The following ZIM2 variants were observed in gnomAD, a reference collection of about 807,000 sequenced individuals.
The protein encoded by ZIM2 is zinc finger protein 656.
ZIM2 carries 14 observed loss-of-function variants against 38.6 expected under a neutral mutation model. That is an observed-to-expected ratio of 0.36 (90% confidence interval 0.24 to 0.57). ZIM2 has a LOEUF of 0.57. Ranked by LOEUF, ZIM2 falls within the 20% of genes least tolerant of loss-of-function variation. The pLI, the probability that ZIM2 is intolerant of heterozygous loss-of-function variation, is 0.81. For missense variants in ZIM2, 680 were observed against 695.1 expected (o/e 0.98, Z 0.24); for synonymous variants, 247 against 245.8 (o/e 1.00, Z -0.04).
intron 11 of ZIM2, among the ~76,000 whole-genome samples, 170 bp from the exon 12 acceptor site, chr19:56,779,642 T>C (rs1211071583): frequency 6.6e-6 from 1 of 152,166 alleles, no homozygotes; most frequent in African/African-American, 2.4e-5. Context: ...TATGGAGATA[T>C]CTTTGGTTGT....
In ZIM2 at chr19:56,814,204, A is replaced by T; in HGVS notation, c.490+3542T>A. 1 of 1,610,908 alleles carries T rather than the reference A, an allele frequency of 6.2e-7. No homozygotes were observed. The highest frequency in any genetic ancestry group is 8.5e-7 in the Non-Finnish European group (1 of 1,178,126). Reference sequence around the variant, plus strand: ...CTCTCCGTTTGGCTCAGCAGCCTCCACTTCTGGCTCAGCAGCCTCCACTTC... The same window carrying T: ...CTCTCCGTTTGGCTCAGCAGCCTCCTCTTCTGGCTCAGCAGCCTCCACTTC... On this transcript the variant is annotated intron_variant, in intron 9 of 12. Coordinates refer to ENST00000629319, the MANE Select transcript of ZIM2 (RefSeq NM_001387356.1). The surrounding 1 kb of genome is among the most constrained non-coding windows in gnomAD (Gnocchi z 5.8).
intron 9 of ZIM2, among the ~76,000 whole-genome samples, chr19:56,809,167 A>G (rs1465461228): frequency 6.6e-6 from 1 of 152,172 alleles, no homozygotes; most frequent in Non-Finnish European, 1.5e-5. Context: ...ATCCTTAAAA[A>G]GTCCCAATCC....
chr19:56,787,325 G>GA (rs1259668134), intron 10 of ZIM2, among the ~76,000 whole-genome samples: 4 of 152,078 alleles, frequency 2.6e-5, no homozygotes, highest in Non-Finnish European at 5.9e-5. Context: ...ACTCAGGCTG[G>GA]AGTGCAGCGA....
At chr19:56,786,712 G>GT (rs1173641395) in intron 10 of ZIM2, among the ~76,000 whole-genome samples, 2 of 152,136 alleles carry the variant, frequency 1.3e-5, no homozygotes, top group African/African-American at 4.8e-5. Flanking sequence ...AAGGGGCTGA[G>GT]TTTTTTTAAA....
chr19:56,834,082 C>T (rs1052331952), intron 2 of ZIM2, among the ~76,000 whole-genome samples: 1 of 152,174 alleles, frequency 6.6e-6, no homozygotes, highest in African/African-American at 2.4e-5. Flanking sequence ...AATAAAGCTA[C>T]TTTAAAGAGA....
At chr19:56,815,453 A>G (rs1370003561) in intron 9 of ZIM2, 2 of 1,614,086 alleles carry the variant, frequency 1.2e-6, no homozygotes, top group Non-Finnish European at 1.7e-6. Context: ...CTGCTTCCAG[A>G]GGGCTTCTCC....
At chr19:56,800,390 A>C (rs1045351344) in intron 9 of ZIM2, among the ~76,000 whole-genome samples, 8 of 152,290 alleles carry the variant, frequency 5.3e-5, no homozygotes, top group Non-Finnish European at 1.2e-4. Flanking sequence ...AAAATTACAG[A>C]ATGGTTTCAG....
At chr19:56,790,205 A>G in intron 9 of ZIM2, 2 of 355,600 alleles carry the variant, frequency 5.6e-6, no homozygotes, top group Non-Finnish European at 1.0e-5. Flanking sequence ...AGTTCCCTCC[A>G]TATCAGTCAT....
At chr19:56,799,795 CA>C (rs1341701734) in intron 9 of ZIM2, 2 of 152,078 alleles carry the variant, frequency 1.3e-5, no homozygotes, top group East Asian at 3.9e-4. Context: ...AGGTGTCAAT[CA>C]ATAGTAGAAT....
chr19:56,780,512 G>A (rs569678531), intron 11 of ZIM2, among the ~76,000 whole-genome samples: 1 of 152,082 alleles, frequency 6.6e-6, no homozygotes, highest in East Asian at 1.9e-4. Context: ...CCAAAGTGTT[G>A]GGATTACAGG....
chr19:56,823,868 G>A (rs1159459330), intron 4 of ZIM2, among the ~76,000 whole-genome samples, 189 bp from the exon 5 acceptor site: 1 of 152,128 alleles, frequency 6.6e-6, no homozygotes, highest in Non-Finnish European at 1.5e-5. Context: ...TGGGTGGGGG[G>A]AGCATGGTGG....
At chr19:56,835,984 G>T (rs779180158) in intron 2 of ZIM2, 34 bp downstream of exon 2, 1 of 504,944 alleles carries the variant, frequency 2.0e-6, no homozygotes, top group South Asian at 1.5e-5. Context: ...CTCCAAAGAT[G>T]AATGTGGCAC....
chr19:56,806,315 G>C (rs2047754791), intron 9 of ZIM2, among the ~76,000 whole-genome samples: 1 of 152,114 alleles, frequency 6.6e-6, no homozygotes, highest in South Asian at 2.1e-4. Flanking sequence ...TCAGACATAA[G>C]CTCTTATCTC....
intron 2 of ZIM2, among the ~76,000 whole-genome samples, chr19:56,835,569 T>A (rs2062009493): frequency 6.6e-6 from 1 of 152,242 alleles, no homozygotes; most frequent in African/African-American, 2.4e-5. Context: ...TGCTAGCAGA[T>A]GTTCTCTTGC....
At chr19:56,810,214 A>G in intron 9 of ZIM2, 6 of 982,770 alleles carry the variant, frequency 6.1e-6, no homozygotes, top group Non-Finnish European at 7.3e-6. Flanking sequence ...CACTCTTTGG[A>G]TGGTGAAAAC....
chr19:56,774,568 C>A lies in ZIM2; in HGVS notation c.*120G>T. On this transcript the variant is annotated 3_prime_UTR_variant, in exon 13 of 13. Transcript: ENST00000629319. ...CAACTTTTTTTTTTTTTTTACCACA[C>A]TTTGATGAATGTTCAAGTTGTTAAC... is the stretch of plus-strand genomic sequence containing the variant. The A allele has an allele frequency of 8.8e-6, 12 of 1,358,940 alleles. No individual in the cohort carries two copies. The highest frequency in any genetic ancestry group is 1.8e-5 in the South Asian group (1 of 56,968). The allele number at this position is 1,358,940 out of a possible 1,614,324, so 84.2% of individuals were successfully genotyped here. A position where few individuals can be genotyped will look rare whatever the true frequency, so the allele number is the denominator to read the frequency against.
chr19:56,792,167 T>G (rs959398995), intron 9 of ZIM2, among the ~76,000 whole-genome samples: 3 of 151,758 alleles, frequency 2.0e-5, no homozygotes, highest in Middle Eastern at 3.2e-3. Context: ...CAAACCCACA[T>G]AGGCATAAAA....
intron 9 of ZIM2, chr19:56,799,416 T>C (rs1300269798): frequency 2.6e-5 from 4 of 152,038 alleles, no homozygotes; most frequent in Non-Finnish European, 5.9e-5. Context: ...CATGGACACA[T>C]GGTGGGGAAC....
chr19:56,778,913 G>A (rs1369624847), intron 12 of ZIM2, among the ~76,000 whole-genome samples: 1 of 152,114 alleles, frequency 6.6e-6, no homozygotes, highest in Admixed American at 6.6e-5. Flanking sequence ...TTTCAGAAAA[G>A]AGCGTATATG....
Sources: gnomAD v4.1 joint callset for allele counts (sites outside exome capture counted in the v4.1 genomes callset) on GRCh38, gnomAD v4.1.1 for gene constraint, Gnocchi (gnomAD v3.1) non-coding constraint, MANE v1.5 for transcripts, NCBI Gene and HGNC (gene_info 2026-07-23, HGNC 2026-07-21) for gene names.